Variants in CD58 observed in about 807,000 individuals in gnomAD.
The protein encoded by CD58 is lymphocyte function-associated antigen 3.
A neutral mutation model predicts 27.6 loss-of-function variants in CD58; 14 were observed. The observed-to-expected ratio is 0.51, with a 90% CI of 0.34 to 0.79. The LOEUF (loss-of-function observed/expected upper bound fraction) is 0.79, where lower values mean the gene tolerates loss of function less well. CD58 is among the 30% of genes least tolerant of loss of function. CD58 has a pLI of 0.02. For missense variants in CD58, 268 were observed against 301.7 expected (o/e 0.89, Z 0.83); for synonymous variants, 117 against 103.8 (o/e 1.13, Z -0.77).
intron 5 of CD58, chr1:116,518,973 C>G (rs1172904501): frequency 9.8e-7 from 1 of 1,020,644 alleles, no homozygotes; most frequent in Non-Finnish European, 1.3e-6. Flanking sequence ...TGCGCTGTCT[C>G]TAAGCAAGGG....
At chr1:116,544,258 C>G (rs1658080645) in intron 2 of CD58, 53 bp downstream of exon 2, 1 of 1,288,512 alleles carries the variant, frequency 7.8e-7, no homozygotes, top group Admixed American at 2.1e-5. Flanking sequence ...TGAAAACAGA[C>G]TAAAAAAATG....
chr1:116,524,343 A>C lies in CD58; in HGVS notation c.629-2360T>G, dbSNP rs1657363654. The stretch of plus-strand genomic sequence containing the variant: ...GCACACCAGGTAACACTGGTCACTC[A>C]AATCTGGGTCCAAGAACCAAGAAGC... On this transcript the variant is annotated intron_variant, in intron 3 of 5. Transcript: ENST00000369489. The surrounding 1 kb of genome is among the most constrained non-coding windows in gnomAD (Gnocchi z 4.6). 6.6e-6 allele frequency among the ~76,000 whole-genome samples: 1 copy of C among 152,226 alleles called. No individual in the cohort carries two copies. The highest frequency in any genetic ancestry group is 2.4e-5 in the African/African-American group (1 of 41,456).
chr1:116,566,462 T>C (rs1348430590), intron 1 of CD58, among the ~76,000 whole-genome samples: 1 of 152,208 alleles, frequency 6.6e-6, no homozygotes, highest in African/African-American at 2.4e-5. Flanking sequence ...GCAATGACTC[T>C]GGTACCTGTG....
At chr1:116,525,129 C>T (rs1380142737) in intron 3 of CD58, among the ~76,000 whole-genome samples, 1 of 152,182 alleles carries the variant, frequency 6.6e-6, no homozygotes, top group Non-Finnish European at 1.5e-5. Flanking sequence ...TGGGTTTGGA[C>T]AAATGTATAA....
chr1:116,540,004 G>C (rs942472327), intron 2 of CD58, among the ~76,000 whole-genome samples: 13 of 152,110 alleles, frequency 8.5e-5, no homozygotes, highest in Admixed American at 6.5e-4. Flanking sequence ...ACGAATTTTA[G>C]TAAAGGTCAA....
rs1477533223 is a variant in CD58 at position 116,557,638 on chromosome 1, C to G, written c.71-13034G>C. On this transcript the variant is annotated intron_variant, in intron 1 of 5. Transcript: ENST00000369489. The surrounding 1 kb of genome is among the most constrained non-coding windows in gnomAD (Gnocchi z 5.2). ...TCTTTTTATTTTTCTCTTTCTTTCCCTCTCTCTCTCCCTCCTTCCCTCCCC... is the reference window on the plus strand; with the variant it reads ...TCTTTTTATTTTTCTCTTTCTTTCCGTCTCTCTCTCCCTCCTTCCCTCCCC... 1.3e-5 allele frequency among the ~76,000 whole-genome samples: 2 copies of G among 151,320 alleles called. No individual in the cohort carries two copies. The highest frequency in any genetic ancestry group is 2.9e-5 in the Non-Finnish European group (2 of 67,812).
rs765535310 is a variant in CD58 at position 116,557,740 on chromosome 1, C to T, written c.71-13136G>A. Reference sequence around the variant, plus strand: ...CCAGGTTGGTGTGCAGTGGTGCAATCGTGGCTCACTGTAGCTTCAACCTCC... The same window carrying T: ...CCAGGTTGGTGTGCAGTGGTGCAATTGTGGCTCACTGTAGCTTCAACCTCC... On this transcript the variant is annotated intron_variant, in intron 1 of 5. Coordinates refer to ENST00000369489, the MANE Select transcript of CD58 (RefSeq NM_001779.3). The surrounding 1 kb of genome is among the most constrained non-coding windows in gnomAD (Gnocchi z 5.2). Among the ~76,000 whole-genome samples the T allele has an allele frequency of 1.3e-5, 2 of 151,664 alleles. No homozygotes were observed. Among genetic ancestry groups the T allele is most frequent in the Admixed American group, 6.6e-5 (1 of 15,198 alleles).
chr1:116,559,332 G>T lies in CD58; in HGVS notation c.70+11571C>A, dbSNP rs895853702. Among the ~76,000 whole-genome samples the T allele has an allele frequency of 2.6e-5, 4 of 152,144 alleles. No individual in the cohort carries two copies. Among genetic ancestry groups the T allele is most frequent in the Admixed American group, 2.6e-4 (4 of 15,280 alleles). ...AAGGTCAAAGATTCCGAAGCACCAG[G>T]CTACAGATGAAGAAATGGACTGAGA... On this transcript the variant is annotated intron_variant, in intron 1 of 5. Coordinates refer to ENST00000369489, the MANE Select transcript of CD58 (RefSeq NM_001779.3). This position sits in a 1 kb window ranked among gnomAD's most constrained non-coding sequence, Gnocchi z 4.4.
In CD58 at chr1:116,550,177, G is replaced by C. The variant is rs943269193; in HGVS notation, c.71-5573C>G. On this transcript the variant is annotated intron_variant, in intron 1 of 5. Coordinates refer to ENST00000369489, the MANE Select transcript of CD58 (RefSeq NM_001779.3). The surrounding 1 kb of genome is among the most constrained non-coding windows in gnomAD (Gnocchi z 4.2). ...CAATGGCTGTGGCAATTTCTTAAAAGAAGACAATGATGAGTTTTGCTGCAT... is the reference window on the plus strand; with the variant it reads ...CAATGGCTGTGGCAATTTCTTAAAACAAGACAATGATGAGTTTTGCTGCAT... Among the ~76,000 whole-genome samples the C allele has an allele frequency of 3.9e-5, 6 of 152,186 alleles. No individual in the cohort carries two copies. Among genetic ancestry groups the C allele is most frequent in the Admixed American group, 1.3e-4 (2 of 15,280 alleles).
rs1657078525 is a variant in CD58, at chr1:116,516,121, T to C, written c.744-1299A>G. 6.6e-6 allele frequency among the ~76,000 whole-genome samples: 1 copy of C among 152,150 alleles called. No individual in the cohort carries two copies. Among genetic ancestry groups the C allele is most frequent in the Non-Finnish European group, 1.5e-5 (1 of 68,034 alleles). On this transcript the variant is annotated intron_variant, in intron 5 of 5. Coordinates refer to ENST00000369489, the MANE Select transcript of CD58 (RefSeq NM_001779.3). This position sits in a 1 kb window ranked among gnomAD's most constrained non-coding sequence, Gnocchi z 6.1. ...CTCAAGAAATCCTCCCACTAACTCCTAAACTCAAGCGATCCTCGCACCTCA... is the reference window on the plus strand; with the variant it reads ...CTCAAGAAATCCTCCCACTAACTCCCAAACTCAAGCGATCCTCGCACCTCA...
At chr1:116,520,803 T>C (rs1414438726) in intron 4 of CD58, among the ~76,000 whole-genome samples, 1 of 152,208 alleles carries the variant, frequency 6.6e-6, no homozygotes, top group African/African-American at 2.4e-5. Context: ...TACTGTTTAG[T>C]GGAGAGTCAA....
intron 1 of CD58, among the ~76,000 whole-genome samples, chr1:116,549,970 C>A (rs1336983566): frequency 6.6e-6 from 1 of 151,592 alleles, no homozygotes; most frequent in Non-Finnish European, 1.5e-5. Context: ...TTAAAGTGTT[C>A]AATAGCATTA....
rs1658807531 is a variant in CD58, at chr1:116,563,035, A to G, written c.70+7868T>C. Among the ~76,000 whole-genome samples, 2 of 152,202 alleles carry G rather than the reference A, an allele frequency of 1.3e-5. No homozygotes were observed. Among genetic ancestry groups the G allele is most frequent in the Admixed American group, 1.3e-4 (2 of 15,288 alleles). On this transcript the variant is annotated intron_variant, in intron 1 of 5. Coordinates refer to ENST00000369489, the MANE Select transcript of CD58 (RefSeq NM_001779.3). The surrounding 1 kb of genome is among the most constrained non-coding windows in gnomAD (Gnocchi z 4.1). ...TTCCACCTATGAGCCTGTAAAATCA[A>G]AGGCAAGTTAGTTACTTCCTAGATA...
intron 2 of CD58, among the ~76,000 whole-genome samples, chr1:116,542,983 G>C (rs1658039870): frequency 6.6e-6 from 1 of 152,210 alleles, no homozygotes; most frequent in African/African-American, 2.4e-5. Context: ...AGGAGAGTGG[G>C]TAAGTGAACA....
chr1:116,547,554 C>T (rs1438670694), intron 1 of CD58, among the ~76,000 whole-genome samples: 2 of 152,046 alleles, frequency 1.3e-5, no homozygotes, highest in Non-Finnish European at 2.9e-5. Flanking sequence ...TGGTCTCGAT[C>T]TCCTGACCTC....
chr1:116,562,685 G>A (rs1481970259), intron 1 of CD58, among the ~76,000 whole-genome samples: 1 of 152,166 alleles, frequency 6.6e-6, no homozygotes, highest in Non-Finnish European at 1.5e-5. Context: ...GAGAGCGTGT[G>A]CAGGGGAACT....
chr1:116,533,876 T>C (rs1474621482), intron 3 of CD58: 2 of 1,078,190 alleles, frequency 1.9e-6, no homozygotes, highest in Non-Finnish European at 2.9e-6. Flanking sequence ...CTCACCTGAA[T>C]TTGTTTCAAT....
rs564903217 is a variant in CD58 at position 116,521,725 on chromosome 1, T to C, written c.706+181A>G. On this transcript the variant is annotated intron_variant, in intron 4 of 5. Transcript: ENST00000369489. This position sits in a 1 kb window ranked among gnomAD's most constrained non-coding sequence, Gnocchi z 5.6. ...CCTAAGGATTCATTCTACCTTGAGATAATGTGGATCTTTGGAGGAACCTAG... is the reference window on the plus strand; with the variant it reads ...CCTAAGGATTCATTCTACCTTGAGACAATGTGGATCTTTGGAGGAACCTAG... The C allele has an allele frequency of 9.3e-6, 5 of 535,380 alleles. No individual in the cohort carries two copies. The highest frequency in any genetic ancestry group is 1.7e-5 in the Non-Finnish European group (5 of 289,464). 33.2% of individuals were successfully genotyped at this position (535,380 alleles called of 1,614,324 possible).
Position 116,519,016 on chromosome 1 carries a change from G to T in CD58, c.743+215C>A. 8.7e-7 allele frequency: 1 copy of T among 1,151,936 alleles called. No homozygotes were observed. Among genetic ancestry groups the T allele is most frequent in the Non-Finnish European group, 1.2e-6 (1 of 846,780 alleles). 71.4% of individuals were successfully genotyped at this position (1,151,936 alleles called of 1,614,324 possible). ...ACTCCTCCTGCAAGGCTCATTGAGA[G>T]GGTTCCAGGAAACGATATGCAGAGA... On this transcript the variant is annotated intron_variant, in intron 5 of 5. Transcript: ENST00000369489. The surrounding 1 kb of genome is among the most constrained non-coding windows in gnomAD (Gnocchi z 4.7).
Sources: gnomAD v4.1 joint callset for allele counts (sites outside exome capture counted in the v4.1 genomes callset) on GRCh38, gnomAD v4.1.1 for gene constraint, Gnocchi (gnomAD v3.1) non-coding constraint, MANE v1.5 for transcripts, NCBI Gene and HGNC (gene_info 2026-07-23, HGNC 2026-07-21) for gene names.